Variants in MALL observed in about 807,000 individuals in gnomAD.
MALL encodes MAL-like protein.
Under a neutral mutation model 10.3 loss-of-function variants are expected in MALL, and 2 were observed. That is an observed-to-expected ratio of 0.19 (90% confidence interval 0.08 to 0.61). MALL has a LOEUF of 0.61. Ranked by LOEUF, MALL falls within the 20% of genes least tolerant of loss-of-function variation. The probability of loss-of-function intolerance (pLI) is 0.88; values close to 1 mark genes in which losing one functional copy is unlikely to be tolerated. For synonymous variants in MALL, 27 were observed against 51.8 expected (o/e 0.52, Z 2.05); for missense variants, 39 against 115.2 (o/e 0.34, Z 3.03).
In MALL at chr2:110,115,805, T is replaced by A; in HGVS notation, c.-13A>T. 2.4e-6 allele frequency: 3 copies of A among 1,227,124 alleles called. No individual in the cohort carries two copies. The highest frequency in any genetic ancestry group is 3.1e-6 in the Non-Finnish European group (3 of 968,412). 76.0% of individuals were successfully genotyped at this position (1,227,124 alleles called of 1,614,324 possible). A position where few individuals can be genotyped will look rare whatever the true frequency, so the allele number is the denominator to read the frequency against. On this transcript the variant is annotated 5_prime_UTR_variant, in exon 1 of 4. Transcript: ENST00000272462. The stretch of plus-strand genomic sequence containing the variant: ...CGGGCGAGGCCATGCTGTCAGCCCC[T>A]GCCGGGTGCTCCGCGGCAGCTCGCC...
upstream of MALL, among the ~76,000 whole-genome samples, chr2:110,117,624 TGA>T (rs70958730): frequency 0.19 from 23,199 of 120,764 alleles, 2,602 homozygotes; most frequent in Middle Eastern, 0.29. Context: ...TGTGTGTGTG[TGA>T]GAGAGAGAGA....
At chr2:110,097,867 CCTT>C (rs1220812263) in intron 1 of MALL, among the ~76,000 whole-genome samples, 1 of 152,110 alleles carries the variant, frequency 6.6e-6, no homozygotes, top group Non-Finnish European at 1.5e-5. Context: ...CTTTGCCTCT[CCTT>C]CTCTTCCCTG....
chr2:110,104,116 C>A (rs1485799207), intron 1 of MALL, among the ~76,000 whole-genome samples: 3 of 152,166 alleles, frequency 2.0e-5, no homozygotes, highest in African/African-American at 4.8e-5. Context: ...TGTCTCCCAG[C>A]ACCCCCACAC....
At chr2:110,104,798 A>G (rs1039466660) in intron 1 of MALL, among the ~76,000 whole-genome samples, 3 of 152,156 alleles carry the variant, frequency 2.0e-5, no homozygotes, top group African/African-American at 7.2e-5. Flanking sequence ...CCACTCCTTT[A>G]AGAGAGGCTC....
At chr2:110,095,079 C>A (rs1051476004) in intron 1 of MALL, among the ~76,000 whole-genome samples, 70 of 149,938 alleles carry the variant, frequency 4.7e-4, no homozygotes, top group Non-Finnish European at 9.3e-4. Flanking sequence ...GAGGAGGGAC[C>A]AGAGCCAAGG....
At chr2:110,104,500 T>A (rs1181652499) in intron 1 of MALL, among the ~76,000 whole-genome samples, 2 of 152,166 alleles carry the variant, frequency 1.3e-5, no homozygotes, top group Non-Finnish European at 2.9e-5. Flanking sequence ...AGAGAGTAGG[T>A]GCTCAGCTTG....
At chr2:110,096,602 G>A (rs765936777) in intron 1 of MALL, among the ~76,000 whole-genome samples, 3 of 151,962 alleles carry the variant, frequency 2.0e-5, no homozygotes, top group Non-Finnish European at 4.4e-5. Flanking sequence ...TTCACTTTTG[G>A]AAAGGAGAGA....
chr2:110,116,464 CCT>C (rs1678924891), upstream of MALL: 1 of 152,404 alleles, frequency 6.6e-6, no homozygotes, highest in African/African-American at 2.4e-5. Flanking sequence ...GTCCTCCACT[CCT>C]CTTTTCCTCA....
intron 1 of MALL, among the ~76,000 whole-genome samples, chr2:110,107,762 G>A (rs1303622175): frequency 6.6e-6 from 1 of 152,120 alleles, no homozygotes; most frequent in African/African-American, 2.4e-5. Context: ...AACCACCAAA[G>A]CTAAAGACCC....
intron 1 of MALL, among the ~76,000 whole-genome samples, chr2:110,110,516 C>A (rs1434167411): frequency 6.6e-6 from 1 of 151,984 alleles, no homozygotes; most frequent in Admixed American, 6.5e-5. Context: ...TAGCTTAAAT[C>A]AGGAAGAATT....
chr2:110,110,108 TC>T (rs1257337283), intron 1 of MALL, among the ~76,000 whole-genome samples: 1 of 151,754 alleles, frequency 6.6e-6, no homozygotes, highest in Non-Finnish European at 1.5e-5. Context: ...AACACCTACA[TC>T]AAAAAGTCTG....
intron 1 of MALL, among the ~76,000 whole-genome samples, chr2:110,095,593 A>G (rs1678423452): frequency 6.6e-6 from 1 of 152,168 alleles, no homozygotes; most frequent in Non-Finnish European, 1.5e-5. Flanking sequence ...CCAACTAAAA[A>G]AAAATATTGT....
At chr2:110,100,557 T>C (rs571908909) in intron 1 of MALL, among the ~76,000 whole-genome samples, 18 of 152,202 alleles carry the variant, frequency 1.2e-4, no homozygotes, top group African/African-American at 3.9e-4. Flanking sequence ...TACTGTTTCC[T>C]GGATCTTTTG....
At chr2:110,097,448 G>A (rs2104381747) in intron 1 of MALL, 1 of 456,366 alleles carries the variant, frequency 2.2e-6, no homozygotes, top group East Asian at 6.9e-5. Context: ...GGAGAATTCT[G>A]AATGGGAAGA....
At chr2:110,107,160 T>C (rs1678714188) in intron 1 of MALL, among the ~76,000 whole-genome samples, 1 of 151,430 alleles carries the variant, frequency 6.6e-6, no homozygotes, top group Non-Finnish European at 1.5e-5. Flanking sequence ...GATGCAGTGG[T>C]GATTCCCTGA....
At chr2:110,100,575 TAC>T (rs1285527503) in intron 1 of MALL, among the ~76,000 whole-genome samples, 2 of 152,154 alleles carry the variant, frequency 1.3e-5, no homozygotes, top group Non-Finnish European at 2.9e-5. Context: ...TTGTTTCACT[TAC>T]ACACACACCC....
At chr2:110,103,842 G>A (rs565559763) in intron 1 of MALL, among the ~76,000 whole-genome samples, 2 of 152,300 alleles carry the variant, frequency 1.3e-5, no homozygotes, top group South Asian at 2.1e-4. Context: ...GACCAGGGCT[G>A]GAAGTTCAGA....
chr2:110,117,587 A>ATGTGTG (rs3840469), upstream of MALL, among the ~76,000 whole-genome samples: 3,291 of 104,932 alleles, frequency 0.031, 57 homozygotes, highest in South Asian at 0.054. Context: ...GACCAAAGCA[A>ATGTGTG]TGTGTGTGTG....
intron 1 of MALL, among the ~76,000 whole-genome samples, chr2:110,098,385 C>T (rs750797585): frequency 4.6e-5 from 7 of 152,040 alleles, no homozygotes; most frequent in Non-Finnish European, 1.0e-4. Flanking sequence ...ACTCCCCACT[C>T]TTCCCTCCCC....
Sources: gnomAD v4.1 joint callset for allele counts (sites outside exome capture counted in the v4.1 genomes callset) on GRCh38, gnomAD v4.1.1 for gene constraint, MANE v1.5 for transcripts, NCBI Gene and HGNC (gene_info 2026-07-23, HGNC 2026-07-21) for gene names.